Variants in URB1 observed in about 807,000 individuals in gnomAD.
The protein encoded by URB1 is nucleolar pre-ribosomal-associated protein 1.
In URB1, 197 loss-of-function variants were observed where a neutral mutation model predicts 242.3. The observed-to-expected ratio is 0.81, with a 90% CI of 0.72 to 0.91. URB1 has a LOEUF of 0.91. URB1 is among the 40% of genes least tolerant of loss of function. The pLI is 0.00. For missense variants in URB1, 2,721 were observed against 2,860.5 expected (o/e 0.95, Z 1.11); for synonymous variants, 1,153 against 1,201.8 (o/e 0.96, Z 0.84).
At chr21:32,356,833 GA>G (rs1203409215) in intron 15 of URB1, among the ~76,000 whole-genome samples, 1 of 152,230 alleles carries the variant, frequency 6.6e-6, no homozygotes, top group Non-Finnish European at 1.5e-5. Context: ...CAGTGATCAC[GA>G]AATCTGGCTG....
At chr21:32,352,259 T>C (rs1197874845) in intron 19 of URB1, among the ~76,000 whole-genome samples, 1 of 152,162 alleles carries the variant, frequency 6.6e-6, no homozygotes, top group Non-Finnish European at 1.5e-5. Flanking sequence ...GAAAATATAC[T>C]TTTTCCTTTC....
At position 32,315,048 on chromosome 21, in the gene URB1, G is replaced by A. The variant is rs1271027095; in HGVS notation, c.6686C>T (p.Ala2229Val). 1 of 1,550,076 alleles carries A rather than the reference G, an allele frequency of 6.5e-7. No individual in the cohort carries two copies. The highest frequency in any genetic ancestry group is 8.7e-7 in the Non-Finnish European group (1 of 1,146,008). Residue 2229 changes from alanine (A) to valine (V), a missense_variant, in exon 39 of 39, where the codon GCT (alanine) becomes GTT (valine). Transcript: ENST00000382751. ...SLYIKDIWLG[A>V]QRPDTLLTHV... Reference sequence around the variant, plus strand: ...GGTTAAGAGGGTGTCCGGCCGCTGAGCCCCCAGCCAGATGTCCTTTATGTA... The same window carrying A: ...GGTTAAGAGGGTGTCCGGCCGCTGAACCCCCAGCCAGATGTCCTTTATGTA...
At chr21:32,318,746 G>C (rs2032724574) in intron 36 of URB1, among the ~76,000 whole-genome samples, 1 of 152,180 alleles carries the variant, frequency 6.6e-6, no homozygotes, top group South Asian at 2.1e-4. Context: ...AGGGATCGGA[G>C]GAAAATACTG....
intron 15 of URB1, 56 bp from the exon 16 acceptor site, chr21:32,355,621 T>G: frequency 7.1e-7 from 1 of 1,411,092 alleles, no homozygotes; most frequent in Non-Finnish European, 9.8e-7. Flanking sequence ...TTTCTTTCTT[T>G]TCTTTGAGAC....
chr21:32,385,079 T>A (rs1168522904), intron 2 of URB1, among the ~76,000 whole-genome samples: 1 of 152,022 alleles, frequency 6.6e-6, no homozygotes, highest in African/African-American at 2.4e-5. Context: ...AGAAGAAAAT[T>A]CTCTTAATGA....
intron 30 of URB1, 28 bp from the exon 31 acceptor site, chr21:32,325,417 C>A (rs1002722149): frequency 5.2e-6 from 8 of 1,538,086 alleles, no homozygotes; most frequent in Non-Finnish European, 7.0e-6. Flanking sequence ...CAGCATGAAA[C>A]ACACACAATA....
At position 32,312,337 on chromosome 21, in the gene URB1, T is replaced by G. The variant is rs961177073; in HGVS notation, c.*2581A>C. 37 of 1,230,144 alleles carry G rather than the reference T, an allele frequency of 3.0e-5. No homozygotes were observed. Among genetic ancestry groups the G allele is most frequent in the Non-Finnish European group, 3.8e-5 (37 of 970,410 alleles). 76.2% of individuals were successfully genotyped at this position (1,230,144 alleles called of 1,614,324 possible). A position where few individuals can be genotyped will look rare whatever the true frequency, so the allele number is the denominator to read the frequency against. On this transcript the variant is annotated 3_prime_UTR_variant, in exon 39 of 39. Transcript: ENST00000382751. ...ACTATGCCACTTTACCATTACTGTG[T>G]AATGCGTTATCAGCCCTGAGTTCAC...
intron 8 of URB1, 107 bp downstream of exon 8, chr21:32,372,400 T>C: frequency 7.3e-7 from 1 of 1,376,618 alleles, no homozygotes; most frequent in Non-Finnish European, 9.6e-7. Context: ...TTAGATAATG[T>C]CCACAATTCT....
chr21:32,385,152 C>T (rs529348157), intron 2 of URB1, among the ~76,000 whole-genome samples: 100 of 152,316 alleles, frequency 6.6e-4, no homozygotes, highest in African/African-American at 2.2e-3. Flanking sequence ...CCTGAGATTT[C>T]AACAGGCGCA....
At chr21:32,335,080 T>C (rs1181717783) in intron 28 of URB1, 1 of 152,846 alleles carries the variant, frequency 6.5e-6, no homozygotes, top group Non-Finnish European at 1.5e-5. Context: ...GCTTCCCTGC[T>C]GTCTCCCAGA....
intron 19 of URB1, among the ~76,000 whole-genome samples, chr21:32,351,799 A>G (rs1021184203): frequency 1.3e-5 from 2 of 152,214 alleles, no homozygotes; most frequent in South Asian, 2.1e-4. Context: ...CTGTCTGGCT[A>G]TCACTGTGGC....
At chr21:32,325,116 C>G in intron 31 of URB1, 113 bp downstream of exon 31, 1 of 1,319,216 alleles carries the variant, frequency 7.6e-7, no homozygotes, top group Non-Finnish European at 1.0e-6. Context: ...CTCCCGGCAA[C>G]ATGCCACCTC....
chr21:32,319,159 C>A, intron 36 of URB1, 58 bp downstream of exon 36: 1 of 1,489,164 alleles, frequency 6.7e-7, no homozygotes, highest in Admixed American at 2.6e-5. Context: ...CCACAGGTGG[C>A]AGACCAACAC....
Position 32,361,998 on chromosome 21 carries a change from GAC to G in URB1, c.1531_1532del (p.Val511ArgfsTer8). On this transcript the variant is annotated frameshift_variant, in exon 12 of 39. Coordinates refer to ENST00000382751, the MANE Select transcript of URB1 (RefSeq NM_014825.3). LOFTEE classifies it high-confidence loss of function. ...LSKILPDLNTVVWVWQSLKKQ... is the reference protein window; with the variant it reads ...LSKILPDLNTXVWVWQSLKKQ... The stretch of plus-strand genomic sequence containing the variant: ...TTTTAAGTGACTGCCAGACCCACAC[GAC>G]AGTGTTCAGGTCTGGCAAAATCTAA... The G allele has an allele frequency of 6.4e-7, 1 of 1,551,620 alleles. No individual in the cohort carries two copies. The highest frequency in any genetic ancestry group is 8.7e-7 in the Non-Finnish European group (1 of 1,146,930).
Position 32,351,753 on chromosome 21 carries a change from G to A in URB1, c.2614-831C>T, listed in dbSNP as rs150149075. Among the ~76,000 whole-genome samples, 18 of 152,270 alleles carry A rather than the reference G, an allele frequency of 1.2e-4. No individual in the cohort carries two copies. The East Asian group carries it at 2.9e-3, about 25-fold the overall frequency. On this transcript the variant is annotated intron_variant, in intron 19 of 38. Transcript: ENST00000382751. Reference sequence around the variant, plus strand: ...ACACCCACTCCAAGCAACCACGAGGGGCAGGACAGAACCTCTAATACTGCC... The same window carrying A: ...ACACCCACTCCAAGCAACCACGAGGAGCAGGACAGAACCTCTAATACTGCC...
chr21:32,366,815 A>G (rs1211745750), intron 9 of URB1, 60 bp from the exon 10 acceptor site: 14 of 1,518,762 alleles, frequency 9.2e-6, no homozygotes, highest in Non-Finnish European at 1.2e-5. Flanking sequence ...ACCTGAGACT[A>G]GCTGTAGGCA....
chr21:32,357,480 TA>T, intron 15 of URB1, 56 bp downstream of exon 15: 2 of 1,410,128 alleles, frequency 1.4e-6, no homozygotes, highest in South Asian at 1.8e-5. Flanking sequence ...ACACTTACCA[TA>T]AGGAAGATCT....
chr21:32,349,147 G>A (rs1043509115), intron 21 of URB1, among the ~76,000 whole-genome samples, 157 bp downstream of exon 21: 40 of 152,274 alleles, frequency 2.6e-4, no homozygotes, highest in African/African-American at 8.0e-4. Context: ...TAAACCGCAT[G>A]CTGGGCGGGT....
At chr21:32,346,623 G>A (rs529351692) in intron 22 of URB1, among the ~76,000 whole-genome samples, 6 of 152,298 alleles carry the variant, frequency 3.9e-5, no homozygotes, top group Non-Finnish European at 8.8e-5. Flanking sequence ...GACATGGGAT[G>A]GATTGGCACC....
Sources: allele counts gnomAD v4.1 joint callset (sites outside exome capture counted in the v4.1 genomes callset), GRCh38; gene constraint gnomAD v4.1.1; transcripts MANE v1.5; gene names NCBI Gene and HGNC (gene_info 2026-07-23, HGNC 2026-07-21).